CCDC38: variants seen among roughly 807,000 people sequenced by gnomAD.
The protein encoded by CCDC38 is coiled-coil domain-containing protein 38.
CCDC38 carries 69 observed loss-of-function variants against 72.8 expected under a neutral mutation model. That is an observed-to-expected ratio of 0.95 (90% CI 0.78 to 1.16). The LOEUF (loss-of-function observed/expected upper bound fraction) is 1.16. Among genes scored for constraint, CCDC38 ranks in the 50% most tolerant of loss-of-function variants. CCDC38 has a pLI of 0.00. For synonymous variants in CCDC38, 201 were observed against 213.2 expected (o/e 0.94, Z 0.50); for missense variants, 626 against 638.9 (o/e 0.98, Z 0.22).
At chr12:95,921,928 G>C (rs755019256) in intron 2 of CCDC38, among the ~76,000 whole-genome samples, 1 of 152,128 alleles carries the variant, frequency 6.6e-6, no homozygotes, top group Non-Finnish European at 1.5e-5. Context: ...CCCACCTCCA[G>C]ATATTCTGAC....
At chr12:95,897,559 G>A (rs1309676082) in intron 7 of CCDC38, among the ~76,000 whole-genome samples, 2 of 141,686 alleles carry the variant, frequency 1.4e-5, no homozygotes, top group Admixed American at 7.5e-5. Context: ...TCAGTGAGCC[G>A]AGATCATGCC....
chr12:95,941,556 C>G (rs966734284), intron 1 of CCDC38, among the ~76,000 whole-genome samples: 18 of 152,240 alleles, frequency 1.2e-4, no homozygotes, highest in Non-Finnish European at 2.5e-4. Flanking sequence ...TTTATTGAAC[C>G]CTATTTTTCT....
At chr12:95,889,357 TTG>T (rs1357165818) in intron 9 of CCDC38, among the ~76,000 whole-genome samples, 1 of 152,110 alleles carries the variant, frequency 6.6e-6, no homozygotes, top group African/African-American at 2.4e-5. Context: ...CTAAAAAGTA[TTG>T]TTAAGAGGTG....
At chr12:95,915,642 A>G (rs2080136656) in intron 4 of CCDC38, among the ~76,000 whole-genome samples, 1 of 152,172 alleles carries the variant, frequency 6.6e-6, no homozygotes, top group South Asian at 2.1e-4. Flanking sequence ...TGCAAGTTTG[A>G]GGAGTAAGGT....
intron 9 of CCDC38, among the ~76,000 whole-genome samples, chr12:95,889,631 C>G (rs2079800877): frequency 6.6e-6 from 1 of 152,116 alleles, no homozygotes; most frequent in African/African-American, 2.4e-5. Flanking sequence ...TGACCTTTAT[C>G]CCAATACTAA....
intron 10 of CCDC38, among the ~76,000 whole-genome samples, chr12:95,884,024 G>A (rs1362121327): frequency 1.3e-5 from 2 of 152,106 alleles, no homozygotes; most frequent in Non-Finnish European, 2.9e-5. Context: ...TTTCAAGACT[G>A]GGAACAAGAC....
chr12:95,941,207 A>T (rs913952269), intron 1 of CCDC38, among the ~76,000 whole-genome samples: 2 of 152,258 alleles, frequency 1.3e-5, no homozygotes, highest in African/African-American at 4.8e-5. Context: ...AATTTCTTTT[A>T]GACTCACCCA....
intron 3 of CCDC38, 51 bp from the exon 4 acceptor site, chr12:95,917,345 A>G (rs371741762): frequency 5.0e-6 from 7 of 1,401,002 alleles, no homozygotes; most frequent in Middle Eastern, 3.7e-4. Context: ...AAAGTATGTT[A>G]TCTTAAAATT....
rs147811836 is a variant in CCDC38, at chr12:95,904,367, G to A, written c.369+2020C>T. Among the ~76,000 whole-genome samples the A allele has an allele frequency of 8.8e-3, 1,336 of 152,294 alleles. 15 individuals carry two copies. The highest frequency in any genetic ancestry group is 0.027 in the African/African-American group (1,142 of 41,552). Reference sequence around the variant, plus strand: ...ACTGCTCTCACTTCTGACACTGACCGCAAGTTTGAGGGGTTCCCCCAAATA... The same window carrying A: ...ACTGCTCTCACTTCTGACACTGACCACAAGTTTGAGGGGTTCCCCCAAATA... On this transcript the variant is annotated intron_variant, in intron 5 of 15. Coordinates refer to ENST00000344280, the MANE Select transcript of CCDC38 (RefSeq NM_182496.3).
chr12:95,937,040 C>T (rs2080401706), intron 1 of CCDC38, among the ~76,000 whole-genome samples: 1 of 152,080 alleles, frequency 6.6e-6, no homozygotes, highest in Admixed American at 6.5e-5. Context: ...TCAATCTTAG[C>T]TGCAAAGCTT....
chr12:95,910,451 T>A (rs1460046778), intron 4 of CCDC38, among the ~76,000 whole-genome samples: 1 of 152,198 alleles, frequency 6.6e-6, no homozygotes, highest in East Asian at 1.9e-4. Context: ...TCCAGGCTCA[T>A]GGATTGGAAC....
rs1179754790 is a variant in CCDC38 at position 95,936,501 on chromosome 12, T to G, written c.9A>C (p.Ser3=). The change falls in exon 2 of 16, where the codon TCA becomes TCC. Residue 3 remains serine (S), a synonymous_variant. Coordinates refer to ENST00000344280, the MANE Select transcript of CCDC38 (RefSeq NM_182496.3). MS[S]NLLPTLNSGG... Reference sequence around the variant, plus strand: ...CAGAATTCAGTGTTGGCAATAAATTTGAGGACATTTTCTTGCCTGGCCCTG... The same window carrying G: ...CAGAATTCAGTGTTGGCAATAAATTGGAGGACATTTTCTTGCCTGGCCCTG... 6.2e-7 allele frequency: 1 copy of G among 1,612,132 alleles called. No individual in the cohort carries two copies. The highest frequency in any genetic ancestry group is 1.1e-5 in the South Asian group (1 of 90,854).
Position 95,872,477 on chromosome 12 carries a change from C to G in CCDC38, c.1279-17G>C. 6.5e-7 allele frequency: 1 copy of G among 1,534,052 alleles called. No homozygotes were observed. The highest frequency in any genetic ancestry group is 9.0e-7 in the Non-Finnish European group (1 of 1,107,580). On this transcript the variant is annotated splice_polypyrimidine_tract_variant and intron_variant, in intron 13 of 15. Transcript: ENST00000344280. ...CAGTATTTCCTGAGATTGAGAAGAG[C>G]AGAAAACATTAACATCACATTCCAC...
At chr12:95,900,832 C>T (rs754902797) in intron 5 of CCDC38, among the ~76,000 whole-genome samples, 22 of 152,244 alleles carry the variant, frequency 1.4e-4, no homozygotes, top group Non-Finnish European at 2.8e-4. Flanking sequence ...TTTAAGTTTA[C>T]ATTTTCCAGA....
chr12:95,919,600 A>G (rs1460473962), intron 2 of CCDC38: 2 of 456,074 alleles, frequency 4.4e-6, no homozygotes, highest in East Asian at 1.4e-4. Context: ...TCTGTTTCCC[A>G]CAGCACCGAC....
At chr12:95,910,144 A>T (rs779615796) in intron 4 of CCDC38, among the ~76,000 whole-genome samples, 5 of 152,212 alleles carry the variant, frequency 3.3e-5, no homozygotes, top group Admixed American at 6.5e-5. Flanking sequence ...TTCGATACCT[A>T]AAAAACCCCA....
chr12:95,889,521 G>C (rs990570953), intron 9 of CCDC38, among the ~76,000 whole-genome samples: 2 of 152,102 alleles, frequency 1.3e-5, no homozygotes, highest in African/African-American at 2.4e-5. Context: ...AGCCAAAGTG[G>C]CCTCACAACA....
At chr12:95,877,636 G>C (rs949500301) in intron 13 of CCDC38, among the ~76,000 whole-genome samples, 8 of 152,138 alleles carry the variant, frequency 5.3e-5, no homozygotes, top group African/African-American at 1.9e-4. Context: ...ACTTTAAAGG[G>C]ACCCTCAACT....
intron 4 of CCDC38, among the ~76,000 whole-genome samples, chr12:95,908,446 AGGGAG>A (rs2080041910): frequency 0.14 from 236 of 1,628 alleles, 3 homozygotes; most frequent in Non-Finnish European, 0.17. Context: ...CCGTGGAAAG[AGGGAG>A]AGGGAGAGGG....
Sources: gnomAD v4.1 joint callset for allele counts (sites outside exome capture counted in the v4.1 genomes callset) on GRCh38, gnomAD v4.1.1 for gene constraint, MANE v1.5 for transcripts, NCBI Gene and HGNC (gene_info 2026-07-23, HGNC 2026-07-21) for gene names.